The following ABL2 variants were observed in gnomAD, a reference collection of about 807,000 sequenced individuals.
ABL2 encodes ABL proto-oncogene 2, non-receptor tyrosine kinase, also known as tyrosine-protein kinase ABL2.
In ABL2, 49 loss-of-function variants were observed where a neutral mutation model predicts 107.7. The ratio of observed to expected loss-of-function variants is 0.45; its 90% CI spans 0.36 to 0.58. The LOEUF is 0.58. ABL2 is among the 20% of genes least tolerant of loss of function. ABL2 has a pLI of 0.00. For synonymous variants in ABL2, 549 were observed against 548.6 expected, an observed-to-expected ratio of 1.00 and a Z score of -0.01; for missense variants, 1,245 against 1,457.0, an observed-to-expected ratio of 0.85 and a Z score of 2.37.
At chr1:179,172,812 C>T (rs1346234027) in intron 1 of ABL2, among the ~76,000 whole-genome samples, 1 of 152,202 alleles carries the variant, frequency 6.6e-6, no homozygotes, top group South Asian at 2.1e-4. Context: ...CAGGGTTAGA[C>T]AAATGTCCAC....
At chr1:179,213,731 T>C (rs1006709101) in intron 1 of ABL2, among the ~76,000 whole-genome samples, 5 of 152,180 alleles carry the variant, frequency 3.3e-5, no homozygotes, top group Admixed American at 3.3e-4. Flanking sequence ...CCATTTTAAA[T>C]CTTGTCATAT....
In ABL2 at chr1:179,118,678, G is replaced by A. The variant is rs1557920228; in HGVS notation, c.1132C>T (p.Arg378Ter). Reference protein sequence around the residue: ...NLLDYLRECNREEVTAVVLLY... With the variant: ...NLLDYLRECN ...AGCACAACTGCAGTCACCTCTTCTC[G>A]GTTGCATTCTCGGAGGTAATCCAGC... The change falls in exon 7 of 12, where the codon CGA becomes TGA. Residue 378 changes from arginine (R) to a stop codon, truncating the protein, a stop_gained. Coordinates refer to ENST00000502732, the MANE Select transcript of ABL2 (RefSeq NM_007314.4). LOFTEE classifies it high-confidence loss of function. 1.2e-6 allele frequency: 2 copies of A among 1,613,810 alleles called. No individual in the cohort carries two copies. The highest frequency in any genetic ancestry group is 1.7e-6 in the Non-Finnish European group (2 of 1,179,970).
chr1:179,099,406 A>C lies in ABL2; in HGVS notation c.*8312T>G, dbSNP rs978190108. ...AACCTTGTGAGAAGACAGAGAAAGC[A>C]GTCCCTTTCAAGGGCCTCATTTATT... is the stretch of plus-strand genomic sequence containing the variant. On this transcript the variant is annotated 3_prime_UTR_variant, in exon 12 of 12. Coordinates refer to ENST00000502732, the MANE Select transcript of ABL2 (RefSeq NM_007314.4). The C allele has an allele frequency of 9.5e-6, 2 of 210,730 alleles. No individual in the cohort carries two copies. Among genetic ancestry groups the C allele is most frequent in the African/African-American group, 2.3e-5 (1 of 44,130 alleles). 13.1% of individuals were successfully genotyped at this position (210,730 alleles called of 1,614,324 possible). A position where few individuals can be genotyped will look rare whatever the true frequency, so the allele number is the denominator to read the frequency against.
chr1:179,111,281 C>A (rs1360846222), intron 10 of ABL2, among the ~76,000 whole-genome samples: 2 of 82,276 alleles, frequency 2.4e-5, no homozygotes, highest in Admixed American at 1.5e-4. Context: ...AGTGCTCAGT[C>A]TTTTTTTTTT....
rs1658554372 is a variant in ABL2, at chr1:179,154,406, A to G, written c.158-21032T>C. ...AAACAGGATCTTGTCTTTCGACTCT[A>G]TCCTCAAGGAAATAGAGGACTTGCT... is the stretch of plus-strand genomic sequence containing the variant. On this transcript the variant is annotated intron_variant, in intron 1 of 11. Coordinates refer to ENST00000502732, the MANE Select transcript of ABL2 (RefSeq NM_007314.4). Among the ~76,000 whole-genome samples the G allele has an allele frequency of 2.0e-5, 3 of 152,278 alleles. No homozygotes were observed. In the South Asian group the frequency reaches 6.2e-4, roughly 32 times the overall value.
rs146696301 is a variant in ABL2 at position 179,108,760 on chromosome 1, T to A, written c.2507A>T (p.Lys836Ile). The change falls in exon 12 of 12, where the codon AAA (lysine) becomes ATA (isoleucine). Residue 836 changes from lysine to isoleucine, a missense_variant. Physicochemically the swap from Lys to Ile is moderately radical, Grantham distance 102. Transcript: ENST00000502732. ...VDRANDMLPK[K>I]SEESAAPSRE... ...GCTTGGAGCAGCACTTTCCTCTGATTTTTTTGGAAGCATGTCATTGGCCCT... is the reference window on the plus strand; with the variant it reads ...GCTTGGAGCAGCACTTTCCTCTGATATTTTTGGAAGCATGTCATTGGCCCT... The A allele has an allele frequency of 6.2e-7, 1 of 1,614,166 alleles. No homozygotes were observed. Among genetic ancestry groups the A allele is most frequent in the Non-Finnish European group, 8.5e-7 (1 of 1,180,020 alleles).
At chr1:179,227,411 T>C (rs1663278855) in intron 1 of ABL2, among the ~76,000 whole-genome samples, 2 of 152,232 alleles carry the variant, frequency 1.3e-5, no homozygotes, top group Non-Finnish European at 2.9e-5. Context: ...TCTATTCCCA[T>C]GTTCCCGTTC....
At chr1:179,163,533 G>A (rs1374315353) in intron 1 of ABL2, among the ~76,000 whole-genome samples, 4 of 152,108 alleles carry the variant, frequency 2.6e-5, no homozygotes, top group East Asian at 3.9e-4. Flanking sequence ...GATCACTTGC[G>A]GTCAGGAGTT....
At position 179,126,383 on chromosome 1, in the gene ABL2, A is replaced by C. The variant is rs1450175965; in HGVS notation, c.681T>G (p.Asp227Glu). Reference protein sequence around the residue: ...VYHYRINTTADGKVYVTAESR... With the variant: ...VYHYRINTTAEGKVYVTAESR... ...GGTGACCAGGGAGTCTTACCTTGCC[A>C]TCTGCAGTGGTATTGATCCTGTAGT... Residue 227 changes from aspartate to glutamate, a missense_variant, in exon 4 of 12, where the codon GAT (aspartate) becomes GAG (glutamate). Physicochemically the swap from Asp to Glu is conservative, Grantham distance 45. This residue lies in a region of ABL2 where 320 missense variants were observed against 547.0 expected (regional missense o/e 0.59). Transcript: ENST00000502732. The surrounding 1 kb of genome is among the most constrained non-coding windows in gnomAD (Gnocchi z 4.4). 1 of 1,611,624 alleles carries C rather than the reference A, an allele frequency of 6.2e-7. No individual in the cohort carries two copies. Among genetic ancestry groups the C allele is most frequent in the South Asian group, 1.1e-5 (1 of 91,032 alleles).
intron 1 of ABL2, among the ~76,000 whole-genome samples, chr1:179,216,718 CT>C (rs553254452): frequency 0.043 from 6,160 of 144,618 alleles, 205 homozygotes; most frequent in African/African-American, 0.098. Flanking sequence ...TACACAGATT[CT>C]TTTTTTTTTT....
rs1002915415 is a variant in ABL2 at position 179,229,230 on chromosome 1, G to C, written c.157+11C>G. The C allele has an allele frequency of 5.1e-6, 6 of 1,187,800 alleles. No individual in the cohort carries two copies. In the African/African-American group the frequency reaches 1.1e-4, roughly 21 times the overall value. 73.6% of individuals were successfully genotyped at this position (1,187,800 alleles called of 1,614,324 possible). On this transcript the variant is annotated intron_variant, in intron 1 of 11. Coordinates refer to ENST00000502732, the MANE Select transcript of ABL2 (RefSeq NM_007314.4). ...CCCCACGCTCTCATGCCGGCTCCCA[G>C]ACACACTCACCATGCTGGGTGAAGA... is the stretch of plus-strand genomic sequence containing the variant.
intron 9 of ABL2, among the ~76,000 whole-genome samples, chr1:179,113,598 G>A (rs1343322135): frequency 2.6e-5 from 4 of 152,084 alleles, no homozygotes; most frequent in East Asian, 1.9e-4. Flanking sequence ...CCAGGAGTTC[G>A]AGACCAGCCT....
intron 1 of ABL2, chr1:179,137,747 G>T (rs1353708071): frequency 1.3e-5 from 2 of 152,152 alleles, no homozygotes. Flanking sequence ...CACCCTGAGG[G>T]TGAGGACAGT....
At chr1:179,172,700 G>A (rs541012345) in intron 1 of ABL2, among the ~76,000 whole-genome samples, 5 of 152,276 alleles carry the variant, frequency 3.3e-5, no homozygotes, top group Admixed American at 3.3e-4. Context: ...AAGGCAAGGA[G>A]ACACTGCTGA....
Position 179,103,472 on chromosome 1 carries a change from G to GT in ABL2, c.*4245dup, listed in dbSNP as rs1007483247. 4.4e-5 allele frequency: 9 copies of GT among 205,634 alleles called. No individual in the cohort carries two copies. The highest frequency in any genetic ancestry group is 6.9e-5 in the Non-Finnish European group (7 of 100,840). 12.7% of individuals were successfully genotyped at this position (205,634 alleles called of 1,614,324 possible). Reference sequence around the variant, plus strand: ...TCATTAAAATAATGTGAACAATAAAGTTTTTTTAAAGAAAAGGGAATGTAG... The same window carrying GT: ...TCATTAAAATAATGTGAACAATAAAGTTTTTTTTAAAGAAAAGGGAATGTAG... On this transcript the variant is annotated 3_prime_UTR_variant, in exon 12 of 12. Transcript: ENST00000502732.
chr1:179,210,833 G>A (rs966837870), intron 1 of ABL2, among the ~76,000 whole-genome samples: 4 of 151,698 alleles, frequency 2.6e-5, no homozygotes, highest in South Asian at 4.1e-4. Context: ...CAGCCTGGGC[G>A]ACACAGCAAG....
At position 179,108,003 on chromosome 1, in the gene ABL2, G is replaced by A. The variant is rs756224186; in HGVS notation, c.3264C>T (p.Ala1088=). 2.5e-6 allele frequency: 4 copies of A among 1,614,064 alleles called. No individual in the cohort carries two copies. In the South Asian group the frequency reaches 3.3e-5, roughly 13 times the overall value. The change falls in exon 12 of 12, where the codon GCC becomes GCT. Residue 1088 remains alanine, a synonymous_variant. Transcript: ENST00000502732. ...ACAGTAGGTCAGCACATTCCAGCAG[G>A]GCCTCTTTGCTGATTTTGTCTGCTG... is the stretch of plus-strand genomic sequence containing the variant. ...KISADKISKE[A]LLECADLLSS... is the part of the protein sequence containing the mutation.
chr1:179,182,819 A>G (rs1015073966), intron 1 of ABL2, among the ~76,000 whole-genome samples: 3 of 152,178 alleles, frequency 2.0e-5, no homozygotes, highest in Non-Finnish European at 4.4e-5. Flanking sequence ...TTTGGTTAAC[A>G]GCTTATAGAA....
chr1:179,180,700 T>A lies in ABL2; in HGVS notation c.158-47326A>T, dbSNP rs148260856. On this transcript the variant is annotated intron_variant, in intron 1 of 11. Coordinates refer to ENST00000502732, the MANE Select transcript of ABL2 (RefSeq NM_007314.4). ...TAATAGAGGATATTAAAACATCTGA[T>A]AACAAAGTAAATTTTATGTTGTGTT... Among the ~76,000 whole-genome samples the A allele has an allele frequency of 5.4e-4, 83 of 152,312 alleles. 1 individual carries two copies. The East Asian group carries it at 0.016, about 29-fold the overall frequency.
Sources: gnomAD v4.1 joint callset for allele counts (sites outside exome capture counted in the v4.1 genomes callset) on GRCh38, gnomAD v4.1.1 for gene constraint, gnomAD v4.1.1 regional missense constraint, Gnocchi (gnomAD v3.1) non-coding constraint, MANE v1.5 for transcripts, NCBI Gene and HGNC (gene_info 2026-07-23, HGNC 2026-07-21) for gene names.